Variants in PLSCR1 observed in about 807,000 individuals in gnomAD.
PLSCR1 encodes PL scramblase 1.
PLSCR1 carries 17 observed loss-of-function variants against 37.8 expected under a neutral mutation model. The ratio of observed to expected loss-of-function variants is 0.45; its 90% CI spans 0.31 to 0.68. The LOEUF (loss-of-function observed/expected upper bound fraction) is 0.68. PLSCR1 is among the 30% of genes least tolerant of loss of function. PLSCR1 has a pLI of 0.06. For missense variants in PLSCR1, 347 were observed against 380.9 expected (o/e 0.91, Z 0.74); for synonymous variants, 116 against 125.9 (o/e 0.92, Z 0.53).
intron 7 of PLSCR1, among the ~76,000 whole-genome samples, chr3:146,519,225 T>C (rs888934819): frequency 5.3e-5 from 8 of 152,174 alleles, no homozygotes; most frequent in Non-Finnish European, 1.2e-4. Context: ...CCAGTGTCTA[T>C]ACTCTTGACC....
chr3:146,537,361 T>C lies in PLSCR1; in HGVS notation c.-13-796A>G, dbSNP rs1012400272. ...TGCCCTTCATCCCTTTTAGCGACAA[T>C]GCATTAGGCAAAACTCTGCTACCCA... is the stretch of plus-strand genomic sequence containing the variant. On this transcript the variant is annotated intron_variant, in intron 1 of 8. Coordinates refer to ENST00000342435, the MANE Select transcript of PLSCR1 (RefSeq NM_021105.3). Among the ~76,000 whole-genome samples the C allele has an allele frequency of 5.9e-5, 9 of 152,266 alleles. 1 individual carries two copies. The highest frequency in any genetic ancestry group is 9.6e-5 in the African/African-American group (4 of 41,544).
In PLSCR1 at chr3:146,521,681, C is replaced by T; in HGVS notation, c.601G>A (p.Val201Ile). Residue 201 changes from valine (V) to isoleucine (I), a missense_variant, in exon 7 of 9, where the codon GTA (valine) becomes ATA (isoleucine). Val to Ile is a conservative substitution (Grantham distance 29, BLOSUM62 3). Transcript: ENST00000342435. ...QEIEIQAPPG[V>I]PIGYVIQTWH... is the part of the protein sequence containing the mutation. Reference sequence around the variant, plus strand: ...GTCTGAATAACATAACCTATTGGTACACCAGGAGGAGCTTGGATTTCTATC... The same window carrying T: ...GTCTGAATAACATAACCTATTGGTATACCAGGAGGAGCTTGGATTTCTATC... 6.2e-7 allele frequency: 1 copy of T among 1,613,192 alleles called. No individual in the cohort carries two copies. The highest frequency in any genetic ancestry group is 1.3e-5 in the African/African-American group (1 of 74,974).
In PLSCR1 at chr3:146,521,553, A is replaced by T; in HGVS notation, c.729T>A (p.Val243=). Residue 243 remains valine (V), a synonymous_variant, in exon 7 of 9, where the codon GTT becomes GTA. Transcript: ENST00000342435. ...PCVVCSCCGD[V]DFEIKSLDEQ... ...TTATGACATCTCTTACCTCAAAATC[A>T]ACATCTCCACAACAGCTGCACACAA... is the stretch of plus-strand genomic sequence containing the variant. 6.2e-7 allele frequency: 1 copy of T among 1,612,284 alleles called. No individual in the cohort carries two copies. Among genetic ancestry groups the T allele is most frequent in the Non-Finnish European group, 8.5e-7 (1 of 1,179,218 alleles).
At chr3:146,520,451 T>TA (rs1438156843) in intron 7 of PLSCR1, among the ~76,000 whole-genome samples, 1 of 152,160 alleles carries the variant, frequency 6.6e-6, no homozygotes. Context: ...CTATTATGCA[T>TA]ACCCTTACAT....
In PLSCR1 at chr3:146,521,667, A is replaced by G; in HGVS notation, c.615T>C (p.Tyr205=). The change falls in exon 7 of 9, where the codon TAT becomes TAC. Residue 205 remains tyrosine, a synonymous_variant. Transcript: ENST00000342435. ...IQAPPGVPIG[Y]VIQTWHPCLP... is the part of the protein sequence containing the mutation. The stretch of plus-strand genomic sequence containing the variant: ...GACATGGGTGCCAAGTCTGAATAAC[A>G]TAACCTATTGGTACACCAGGAGGAG... 1 of 1,613,640 alleles carries G rather than the reference A, an allele frequency of 6.2e-7. No homozygotes were observed. Among genetic ancestry groups the G allele is most frequent in the Non-Finnish European group, 8.5e-7 (1 of 1,179,556 alleles).
intron 1 of PLSCR1, 159 bp from the exon 2 acceptor site, chr3:146,536,724 T>A (rs1560090080): frequency 2.2e-5 from 12 of 542,408 alleles, no homozygotes; most frequent in Non-Finnish European, 6.9e-6. Context: ...CCCTTTGTGC[T>A]TGACTGCATT....
At chr3:146,518,505 C>T (rs1055688901) in intron 7 of PLSCR1, among the ~76,000 whole-genome samples, 5 of 152,238 alleles carry the variant, frequency 3.3e-5, no homozygotes, top group Non-Finnish European at 7.4e-5. Flanking sequence ...CTTTCTTGTA[C>T]ATGTTAGTAT....
intron 1 of PLSCR1, among the ~76,000 whole-genome samples, chr3:146,542,872 G>C (rs915230058): frequency 2.6e-5 from 4 of 152,094 alleles, no homozygotes; most frequent in Admixed American, 6.5e-5. Flanking sequence ...CCAGGCACTA[G>C]AGCACAATAC....
intron 8 of PLSCR1, 71 bp downstream of exon 8, chr3:146,516,935 A>G: frequency 1.1e-6 from 1 of 950,554 alleles, no homozygotes; most frequent in East Asian, 2.8e-5. Flanking sequence ...TGAAATATAC[A>G]CTTTACTGAA....
intron 3 of PLSCR1, among the ~76,000 whole-genome samples, chr3:146,531,505 A>G (rs2044198176): frequency 6.6e-6 from 1 of 152,192 alleles, no homozygotes; most frequent in African/African-American, 2.4e-5. Flanking sequence ...AATTTCTTAC[A>G]TTTTTAACAT....
chr3:146,534,701 C>T (rs2044243170), intron 2 of PLSCR1, among the ~76,000 whole-genome samples: 1 of 152,062 alleles, frequency 6.6e-6, no homozygotes, highest in South Asian at 2.1e-4. Flanking sequence ...CAAAATGAAA[C>T]CCCATCTCTA....
rs150786545 is a variant in PLSCR1 at position 146,534,997 on chromosome 3, C to A, written c.14-1447G>T. On this transcript the variant is annotated intron_variant, in intron 2 of 8. Transcript: ENST00000342435. The stretch of plus-strand genomic sequence containing the variant: ...TGAATCATCACAAATCTCTGAAACT[C>A]CCCATCATTCTTTCCCATCCATTCT... Among the ~76,000 whole-genome samples the A allele has an allele frequency of 8.4e-3, 1,278 of 152,166 alleles. 14 individuals carry two copies. Among genetic ancestry groups the A allele is most frequent in the Middle Eastern group, 0.071 (21 of 294 alleles).
intron 1 of PLSCR1, among the ~76,000 whole-genome samples, chr3:146,537,701 C>T (rs1371767075): frequency 2.6e-5 from 4 of 151,980 alleles, no homozygotes; most frequent in Non-Finnish European, 5.9e-5. Context: ...TGGACAGACA[C>T]TGTCTCTACT....
intron 4 of PLSCR1, chr3:146,528,021 T>C (rs1169429205): frequency 6.6e-6 from 1 of 152,250 alleles, no homozygotes; most frequent in African/African-American, 2.4e-5. Context: ...AAAAATGCAG[T>C]TTTATTAGTT....
chr3:146,541,086 T>C (rs533463186), intron 1 of PLSCR1: 1 of 152,276 alleles, frequency 6.6e-6, no homozygotes, highest in South Asian at 2.1e-4. Context: ...ACTTGTAAGA[T>C]ACGGGATGAA....
intron 3 of PLSCR1, among the ~76,000 whole-genome samples, chr3:146,530,722 A>C (rs1019468383): frequency 6.6e-6 from 1 of 152,236 alleles, no homozygotes; most frequent in South Asian, 2.1e-4. Flanking sequence ...ATAAGAAAGA[A>C]GACGACTAGG....
chr3:146,517,031 A>G lies in PLSCR1; in HGVS notation c.875T>C (p.Val292Ala). 6.3e-7 allele frequency: 1 copy of G among 1,598,102 alleles called. No homozygotes were observed. The highest frequency in any genetic ancestry group is 8.5e-7 in the Non-Finnish European group (1 of 1,172,748). The change falls in exon 8 of 9, where the codon GTA (valine) becomes GCA (alanine). Residue 292 changes from valine (V) to alanine (A), a missense_variant. Coordinates refer to ENST00000342435, the MANE Select transcript of PLSCR1 (RefSeq NM_021105.3). ...PLDLDVKMKA[V>A]MIGACFLIDF... ...AATGAGGAAACAGGCACCAATCATT[A>G]CAGCTTTCATTTTAACATCAAGGTC...
intron 4 of PLSCR1, among the ~76,000 whole-genome samples, chr3:146,527,091 C>T (rs181482402): frequency 6.6e-4 from 101 of 151,956 alleles, no homozygotes; most frequent in African/African-American, 2.3e-3. Context: ...GAGCCGAGAT[C>T]GTGCCATTGC....
Position 146,528,790 on chromosome 3 carries a change from A to G in PLSCR1, c.136T>C (p.Tyr46His). The stretch of plus-strand genomic sequence containing the variant: ...GAATGGCCGGCTGGTGGGGGTGGGT[A>G]GCTGACCTGGGGCCCAGGGTAGCCA... ...YSGYPGPQVS[Y>H]PPPPAGHSGP... The change falls in exon 4 of 9, where the codon TAC becomes CAC. Residue 46 changes from tyrosine (Y) to histidine (H), a missense_variant. Tyr to His is a moderately conservative substitution (Grantham distance 83). Coordinates refer to ENST00000342435, the MANE Select transcript of PLSCR1 (RefSeq NM_021105.3). 1 of 1,614,098 alleles carries G rather than the reference A, an allele frequency of 6.2e-7. No homozygotes were observed. The highest frequency in any genetic ancestry group is 8.5e-7 in the Non-Finnish European group (1 of 1,180,002).
Sources: gnomAD v4.1 joint callset for allele counts (sites outside exome capture counted in the v4.1 genomes callset) on GRCh38, gnomAD v4.1.1 for gene constraint, MANE v1.5 for transcripts, NCBI Gene and HGNC (gene_info 2026-07-23, HGNC 2026-07-21) for gene names.